The following WDFY4 variants were observed in gnomAD, a reference collection of about 807,000 sequenced individuals.
WDFY4 encodes WDFY family member 4, also known as WD repeat- and FYVE domain-containing protein 4.
WDFY4 carries 169 observed loss-of-function variants against 351.9 expected under a neutral mutation model. The observed-to-expected ratio is 0.48, with a 90% CI of 0.42 to 0.55. The LOEUF is 0.55. Among genes scored for constraint, WDFY4 ranks in the 20% least tolerant of loss-of-function variants. The pLI is 0.00. For synonymous variants in WDFY4, 1,622 were observed against 1,574.6 expected, an observed-to-expected ratio of 1.03 and a Z score of -0.71; for missense variants, 3,803 against 3,935.6, an observed-to-expected ratio of 0.97 and a Z score of 0.90.
At chr10:48,718,561 C>T (rs188975178) in intron 2 of WDFY4, among the ~76,000 whole-genome samples, 3 of 152,338 alleles carry the variant, frequency 2.0e-5, no homozygotes, top group East Asian at 1.9e-4. Flanking sequence ...AACTGCCTTC[C>T]GTGGAGGCCA....
intron 47 of WDFY4, among the ~76,000 whole-genome samples, chr10:48,920,570 T>C (rs958679656): frequency 6.6e-6 from 1 of 152,116 alleles, no homozygotes; most frequent in Non-Finnish European, 1.5e-5. Flanking sequence ...TCATACTTCG[T>C]GAAGGACAGA....
chr10:48,901,389 T>A (rs1291734948), intron 46 of WDFY4, among the ~76,000 whole-genome samples: 2 of 152,206 alleles, frequency 1.3e-5, no homozygotes, highest in African/African-American at 4.8e-5. Context: ...TAGCTCAGGA[T>A]GTGAAGGTGG....
chr10:48,797,534 T>A (rs1350710988), intron 24 of WDFY4, among the ~76,000 whole-genome samples: 1 of 152,246 alleles, frequency 6.6e-6, no homozygotes, highest in Non-Finnish European at 1.5e-5. Flanking sequence ...TAGTCATGAT[T>A]ATACTGTAGG....
At chr10:48,807,274 T>G (rs59793264) in intron 27 of WDFY4, among the ~76,000 whole-genome samples, 8,180 of 152,328 alleles carry the variant, frequency 0.054, 451 homozygotes, top group African/African-American at 0.14. Context: ...TCATATGAAC[T>G]GCATTCTGAA....
At chr10:48,978,510 G>GCCTC in intron 60 of WDFY4, 117 bp downstream of exon 60, 2 of 950,174 alleles carry the variant, frequency 2.1e-6, no homozygotes, top group Non-Finnish European at 3.0e-6. Context: ...GCCTAGGGAG[G>GCCTC]CCTAGGAAGG....
chr10:48,912,334 G>A (rs140975686), intron 47 of WDFY4, among the ~76,000 whole-genome samples: 134 of 152,338 alleles, frequency 8.8e-4, no homozygotes, highest in African/African-American at 3.1e-3. Context: ...CAGAACACTT[G>A]GAGTTCAGTG....
At chr10:48,924,858 T>A (rs928957573) in intron 47 of WDFY4, among the ~76,000 whole-genome samples, 1 of 152,250 alleles carries the variant, frequency 6.6e-6, no homozygotes, top group Non-Finnish European at 1.5e-5. Flanking sequence ...CACTCATGTA[T>A]CTTTGACTAC....
chr10:48,786,506 A>G, intron 19 of WDFY4, 133 bp from the exon 20 acceptor site: 1 of 664,042 alleles, frequency 1.5e-6, no homozygotes. Context: ...TGAGAATTAT[A>G]TTTTAGTTTT....
intron 38 of WDFY4, 42 bp downstream of exon 38, chr10:48,830,927 C>T: frequency 6.5e-7 from 1 of 1,528,836 alleles, no homozygotes; most frequent in Non-Finnish European, 8.8e-7. Flanking sequence ...ACTCCTGGGT[C>T]TCACAGAGCC....
chr10:48,713,169 G>A (rs1011821992), intron 2 of WDFY4, among the ~76,000 whole-genome samples: 1 of 152,216 alleles, frequency 6.6e-6, no homozygotes, highest in Non-Finnish European at 1.5e-5. Flanking sequence ...CTGCATGGAA[G>A]CGGTGATCTA....
At chr10:48,806,136 C>T in intron 27 of WDFY4, 41 bp downstream of exon 27, 8 of 1,537,840 alleles carry the variant, frequency 5.2e-6, no homozygotes, top group Non-Finnish European at 7.1e-6. Context: ...TAGGACGGCC[C>T]TCACGGAACC....
In WDFY4 at chr10:48,890,595, C is replaced by T; in HGVS notation, c.7184C>T (p.Ser2395Phe). 6.4e-7 allele frequency: 1 copy of T among 1,551,734 alleles called. No individual in the cohort carries two copies. Among genetic ancestry groups the T allele is most frequent in the Non-Finnish European group, 8.7e-7 (1 of 1,146,998 alleles). The change falls in exon 44 of 62, where the codon TCC (serine) becomes TTC (phenylalanine). Residue 2395 changes from serine to phenylalanine, a missense_variant. By Grantham distance (155) the Ser-to-Phe change is radical. This residue lies in a region of WDFY4 where 3,054 missense variants were observed against 3,148.6 expected (regional missense o/e 0.97). Coordinates refer to ENST00000325239, the MANE Select transcript of WDFY4 (RefSeq NM_001394531.1). Reference sequence around the variant, plus strand: ...TCCTTCCAGGTGACGCAGAAGTTCTCCCTGGTGATTGTGCAGGGCCACCTG... The same window carrying T: ...TCCTTCCAGGTGACGCAGAAGTTCTTCCTGGTGATTGTGCAGGGCCACCTG... ...LDKEKVTQKF[S>F]LVIVQGHLVS...
chr10:48,807,854 T>A lies in WDFY4; in HGVS notation c.4739-5T>A. On this transcript the variant is annotated splice_region_variant and splice_polypyrimidine_tract_variant and intron_variant, in intron 27 of 61. Coordinates refer to ENST00000325239, the MANE Select transcript of WDFY4 (RefSeq NM_001394531.1). ...TTTCTCTCAAATCTGAATTCTTTTT[T>A]GTAGCTGGAAGCCAAACATCTGGAA... is the stretch of plus-strand genomic sequence containing the variant. 6.4e-7 allele frequency: 1 copy of A among 1,551,640 alleles called. No homozygotes were observed. The highest frequency in any genetic ancestry group is 8.7e-7 in the Non-Finnish European group (1 of 1,146,966).
chr10:48,803,384 G>C (rs1464459440), intron 25 of WDFY4, 25 bp downstream of exon 25: 13 of 1,549,972 alleles, frequency 8.4e-6, no homozygotes, highest in Non-Finnish European at 1.1e-5. Context: ...GGCAGCCTGG[G>C]GGTTAGAACT....
In WDFY4 at chr10:48,975,812, G is replaced by T. The variant is rs115130772; in HGVS notation, c.9108+771G>T. Among the ~76,000 whole-genome samples, 1,143 of 152,264 alleles carry T rather than the reference G, an allele frequency of 7.5e-3. 9 individuals are homozygous for T. The highest frequency in any genetic ancestry group is 0.014 in the African/African-American group (584 of 41,566). On this transcript the variant is annotated intron_variant, in intron 58 of 61. Transcript: ENST00000325239. ...TGAGTGGATGGGTAGATAGATAAAT[G>T]AATGGATGGATGGATGGATAAATGA...
chr10:48,808,365 T>C (rs547932095), intron 28 of WDFY4, among the ~76,000 whole-genome samples: 1 of 152,360 alleles, frequency 6.6e-6, no homozygotes, highest in Non-Finnish European at 1.5e-5. Context: ...TGCTATTTAC[T>C]GTTAGTGAGT....
intron 43 of WDFY4, among the ~76,000 whole-genome samples, chr10:48,886,678 A>G (rs146907855): frequency 1.3e-5 from 2 of 152,324 alleles, no homozygotes; most frequent in Non-Finnish European, 2.9e-5. Flanking sequence ...ATCTCTATAA[A>G]TTACCCAGTC....
intron 40 of WDFY4, among the ~76,000 whole-genome samples, chr10:48,867,782 A>G (rs1644673374): frequency 6.6e-6 from 1 of 152,244 alleles, no homozygotes; most frequent in South Asian, 2.1e-4. Flanking sequence ...GTTTATTTTT[A>G]TTTGGTGTTA....
In WDFY4 at chr10:48,743,229, G is replaced by C; in HGVS notation, c.2140G>C (p.Asp714His). The C allele has an allele frequency of 6.4e-7, 1 of 1,551,698 alleles. No homozygotes were observed. The highest frequency in any genetic ancestry group is 8.7e-7 in the Non-Finnish European group (1 of 1,146,996). ...TGGGCTCTTTGAGAAGCTGGCCGAG[G>C]ACCTCTGCCTGCTGGGCTGTTTTGG... ...RNGLFEKLAE[D>H]LCLLGCFGAL... The change falls in exon 12 of 62, where the codon GAC becomes CAC. Residue 714 changes from aspartate to histidine, a missense_variant. By Grantham distance (81) the Asp-to-His change is moderately conservative (BLOSUM62 -1). Coordinates refer to ENST00000325239, the MANE Select transcript of WDFY4 (RefSeq NM_001394531.1).
Sources: gnomAD v4.1 joint callset for allele counts (sites outside exome capture counted in the v4.1 genomes callset) on GRCh38, gnomAD v4.1.1 for gene constraint, gnomAD v4.1.1 regional missense constraint, MANE v1.5 for transcripts, NCBI Gene and HGNC (gene_info 2026-07-23, HGNC 2026-07-21) for gene names.